Variants in ZNF8 observed in about 807,000 individuals in gnomAD.
The protein encoded by ZNF8 is zinc finger protein 272.
A neutral mutation model predicts 12.2 loss-of-function variants in ZNF8; 9 were observed. The observed-to-expected ratio is 0.73, with a 90% confidence interval of 0.44 to 1.28. ZNF8 has a LOEUF of 1.28. ZNF8 is among the 50% of genes most tolerant of loss of function. The probability of loss-of-function intolerance (pLI) is 0.00; values close to 1 mark genes in which losing one functional copy is unlikely to be tolerated. For missense variants in ZNF8, 664 were observed against 729.1 expected (o/e 0.91, Z 1.03); for synonymous variants, 274 against 282.3 (o/e 0.97, Z 0.30).
Position 58,279,024 on chromosome 19 carries a change from G to C in ZNF8, c.-58G>C, listed in dbSNP as rs991653652. 4.8e-5 allele frequency: 65 copies of C among 1,353,506 alleles called. No individual in the cohort carries two copies. The highest frequency in any genetic ancestry group is 6.0e-5 in the Non-Finnish European group (63 of 1,044,200). 83.8% of individuals were successfully genotyped at this position (1,353,506 alleles called of 1,614,324 possible). On this transcript the variant is annotated 5_prime_UTR_variant, in exon 1 of 4. Transcript: ENST00000621650. Reference sequence around the variant, plus strand: ...GCGAGTCGGGTGGTCCCTTTGGCTGGAGTGCCTCTCTGGTCTGGGGATCAC... The same window carrying C: ...GCGAGTCGGGTGGTCCCTTTGGCTGCAGTGCCTCTCTGGTCTGGGGATCAC...
Position 58,295,308 on chromosome 19 carries a change from G to A in ZNF8, c.1500G>A (p.Arg500=). 1 of 1,614,222 alleles carries A rather than the reference G, an allele frequency of 6.2e-7. No homozygotes were observed. Among genetic ancestry groups the A allele is most frequent in the South Asian group, 1.1e-5 (1 of 91,090 alleles). The change falls in exon 4 of 4, where the codon CGG becomes CGA. Residue 500 remains arginine (R), a synonymous_variant. Coordinates refer to ENST00000621650, the MANE Select transcript of ZNF8 (RefSeq NM_021089.3). ...TREEQPHGRS[R]RREQSSSRNS... Reference sequence around the variant, plus strand: ...AGGAGCAGCCCCATGGGCGAAGCCGGCGGCGTGAACAATCCTCGAGCAGGA... The same window carrying A: ...AGGAGCAGCCCCATGGGCGAAGCCGACGGCGTGAACAATCCTCGAGCAGGA...
intron 2 of ZNF8, 105 bp downstream of exon 2, chr19:58,285,948 G>A: frequency 6.7e-7 from 1 of 1,488,986 alleles, no homozygotes; most frequent in Non-Finnish European, 9.1e-7. Context: ...CCTATGGGGA[G>A]TGCATGAAGA....
chr19:58,288,770 A>G (rs929348985), intron 3 of ZNF8, among the ~76,000 whole-genome samples: 17 of 152,214 alleles, frequency 1.1e-4, no homozygotes, highest in Admixed American at 1.0e-3. Context: ...TTCTGCAGAA[A>G]AACACATATG....
At chr19:58,290,409 CG>C (rs1248370865) in intron 3 of ZNF8, among the ~76,000 whole-genome samples, 4 of 151,674 alleles carry the variant, frequency 2.6e-5, no homozygotes, top group Non-Finnish European at 4.4e-5. Context: ...CCACCGCGCC[CG>C]GCCATCAAGA....
chr19:58,289,438 G>C (rs975735684), intron 3 of ZNF8, among the ~76,000 whole-genome samples: 1 of 151,072 alleles, frequency 6.6e-6, no homozygotes, highest in East Asian at 1.9e-4. Flanking sequence ...GGAGGTTGCA[G>C]TGAGCTGAGA....
chr19:58,294,899 C>A lies in ZNF8; in HGVS notation c.1091C>A (p.Thr364Asn). ...CTGGGGCGGCACAAGAGGACACACACTGGGGAGAAGCCATACACCTGCAGT... is the reference window on the plus strand; with the variant it reads ...CTGGGGCGGCACAAGAGGACACACAATGGGGAGAAGCCATACACCTGCAGT... ...SSLGRHKRTH[T>N]GEKPYTCSVC... Residue 364 changes from threonine to asparagine, a missense_variant, in exon 4 of 4, where the codon ACT becomes AAT. By Grantham distance (65) the Thr-to-Asn change is moderately conservative (BLOSUM62 0). This residue lies in a region of ZNF8 where 133 missense variants were observed against 198.4 expected (regional missense o/e 0.67). Coordinates refer to ENST00000621650, the MANE Select transcript of ZNF8 (RefSeq NM_021089.3). This position sits in a 1 kb window ranked among gnomAD's most constrained non-coding sequence, Gnocchi z 5.5. 6.2e-7 allele frequency: 1 copy of A among 1,614,200 alleles called. No individual in the cohort carries two copies. The highest frequency in any genetic ancestry group is 8.5e-7 in the Non-Finnish European group (1 of 1,180,024).
In ZNF8 at chr19:58,296,379, C is replaced by G. The variant is rs890490791; in HGVS notation, c.*843C>G. On this transcript the variant is annotated 3_prime_UTR_variant, in exon 4 of 4. Coordinates refer to ENST00000621650, the MANE Select transcript of ZNF8 (RefSeq NM_021089.3). ...TCCTCTTGAAAAACATCTGGTGTTG[C>G]TATGAGCCAGAAGTTCTTTTTTTTG... 1 of 152,148 alleles carries G rather than the reference C, an allele frequency of 6.6e-6. No individual in the cohort carries two copies. The highest frequency in any genetic ancestry group is 2.4e-5 in the African/African-American group (1 of 41,436). The allele number at this position is 152,148 out of a possible 1,614,324, so 9.4% of individuals were successfully genotyped here. A position where few individuals can be genotyped will look rare whatever the true frequency, so the allele number is the denominator to read the frequency against.
intron 1 of ZNF8, among the ~76,000 whole-genome samples, chr19:58,281,157 C>T (rs1181084107): frequency 2.0e-5 from 3 of 152,054 alleles, no homozygotes; most frequent in South Asian, 4.1e-4. Flanking sequence ...TGAGAAGGAG[C>T]CATTCACGTG....
rs771531643 is a variant in ZNF8, at chr19:58,281,831, G to A, written c.66+2684G>A. Among the ~76,000 whole-genome samples, 24 of 152,138 alleles carry A rather than the reference G, an allele frequency of 1.6e-4. 1 individual carries two copies. The highest frequency in any genetic ancestry group is 3.4e-3 in the Middle Eastern group (1 of 294). On this transcript the variant is annotated intron_variant, in intron 1 of 3. Coordinates refer to ENST00000621650, the MANE Select transcript of ZNF8 (RefSeq NM_021089.3). ...GTCCTTTTAAAATTGAAGTATTTGG[G>A]GCCTGGTGCAGTGGCTCATGCCTGT...
At chr19:58,280,889 T>C (rs1262645153) in intron 1 of ZNF8, among the ~76,000 whole-genome samples, 1 of 152,230 alleles carries the variant, frequency 6.6e-6, no homozygotes, top group Non-Finnish European at 1.5e-5. Flanking sequence ...TCAGTGATCA[T>C]ATTGCCTTAT....
chr19:58,289,559 A>G (rs1435547564), intron 3 of ZNF8, among the ~76,000 whole-genome samples: 1 of 151,888 alleles, frequency 6.6e-6, no homozygotes, highest in Non-Finnish European at 1.5e-5. Context: ...CAGAAGTTCA[A>G]AATGGTTCAT....
At chr19:58,293,096 A>G (rs978970996) in intron 3 of ZNF8, among the ~76,000 whole-genome samples, 1 of 152,068 alleles carries the variant, frequency 6.6e-6, no homozygotes, top group Non-Finnish European at 1.5e-5. Context: ...CTACAGGTGT[A>G]TAACACCACA....
intron 1 of ZNF8, chr19:58,279,882 T>C (rs1272563950): frequency 2.6e-6 from 3 of 1,167,282 alleles, no homozygotes; most frequent in African/African-American, 2.1e-5. Flanking sequence ...AATTATACTT[T>C]TTTTTATTTT....
Position 58,295,818 on chromosome 19 carries a change from G to A in ZNF8, c.*282G>A. The A allele has an allele frequency of 8.4e-6, 3 of 358,526 alleles. No homozygotes were observed. Among genetic ancestry groups the A allele is most frequent in the Non-Finnish European group, 1.0e-5 (2 of 199,000 alleles). The allele number at this position is 358,526 out of a possible 1,614,324, so 22.2% of individuals were successfully genotyped here. A position where few individuals can be genotyped will look rare whatever the true frequency, so the allele number is the denominator to read the frequency against. ...GTGTAATGTCAAAAAAAATCAATAT[G>A]CGGCCCCATTTTGTAAAGGATCATT... On this transcript the variant is annotated 3_prime_UTR_variant, in exon 4 of 4. Coordinates refer to ENST00000621650, the MANE Select transcript of ZNF8 (RefSeq NM_021089.3).
intron 1 of ZNF8, chr19:58,279,602 C>T (rs1473441874): frequency 2.0e-5 from 31 of 1,533,914 alleles, no homozygotes; most frequent in Non-Finnish European, 2.4e-5. Context: ...GACCCCAGCA[C>T]CGCGGAGCCC....
At chr19:58,282,298 T>C (rs929385426) in intron 1 of ZNF8, among the ~76,000 whole-genome samples, 2 of 152,216 alleles carry the variant, frequency 1.3e-5, no homozygotes, top group Non-Finnish European at 2.9e-5. Flanking sequence ...TTCAAAGAAA[T>C]AACTATACAG....
chr19:58,284,932 T>C (rs2051373518), intron 1 of ZNF8, among the ~76,000 whole-genome samples: 1 of 152,174 alleles, frequency 6.6e-6, no homozygotes, highest in South Asian at 2.1e-4. Flanking sequence ...CAAAGGGACC[T>C]GTATTTTCCC....
rs2051439469 is a variant in ZNF8, at chr19:58,294,402, G to A, written c.594G>A (p.Glu198=). The A allele has an allele frequency of 2.5e-6, 4 of 1,614,116 alleles. No homozygotes were observed. Among genetic ancestry groups the A allele is most frequent in the Non-Finnish European group, 2.5e-6 (3 of 1,180,036 alleles). ...CATTCCCAGAGATCTCTAGAGGGGA[G>A]TATTTGTATACTTACGACTCACAGA... ...PNPFPEISRG[E]YLYTYDSQIT... The change falls in exon 4 of 4, where the codon GAG becomes GAA. Residue 198 remains glutamate (E), a synonymous_variant. Transcript: ENST00000621650. This position sits in a 1 kb window ranked among gnomAD's most constrained non-coding sequence, Gnocchi z 5.5.
intron 3 of ZNF8, chr19:58,286,512 T>G: frequency 3.0e-5 from 8 of 262,624 alleles, no homozygotes; most frequent in South Asian, 5.3e-5. Context: ...ACATGAGCTC[T>G]ACCAGGGAAT....
Sources: allele counts gnomAD v4.1 joint callset (sites outside exome capture counted in the v4.1 genomes callset), GRCh38; gene constraint gnomAD v4.1.1; regional missense constraint gnomAD v4.1.1; non-coding constraint Gnocchi (gnomAD v3.1); transcripts MANE v1.5; gene names NCBI Gene and HGNC (gene_info 2026-07-23, HGNC 2026-07-21).